Variants in ZNF250 observed in about 807,000 individuals in gnomAD.
ZNF250 encodes the protein zinc finger protein (clone 647).
ZNF250 carries 13 observed loss-of-function variants against 37.1 expected under a neutral mutation model. That is an observed-to-expected ratio of 0.35 (90% CI 0.23 to 0.56). The LOEUF is 0.56. ZNF250 is among the 20% of genes least tolerant of loss of function. The pLI is 0.87. For synonymous variants in ZNF250, 251 were observed against 265.6 expected (o/e 0.94, Z 0.54); for missense variants, 474 against 697.9 (o/e 0.68, Z 3.61).
At position 144,882,001 on chromosome 8, in the gene ZNF250, C is replaced by G. The variant is rs761245377; in HGVS notation, c.1182G>C (p.Glu394Asp). ...HTGEKPYECS[E>D]CGKTFSHRST... ...AGCGGTGGCTGAAGGTCTTCCCACA[C>G]TCACTGCACTCATAGGGCTTCTCCC... The change falls in exon 6 of 6, where the codon GAG (glutamate) becomes GAC (aspartate). Residue 394 changes from glutamate to aspartate, a missense_variant. Around this residue, in one of 2 missense-constraint regions of ZNF250, gnomAD observed 282 missense variants for 470.4 expected, o/e 0.60. Transcript: ENST00000417550. This position sits in a 1 kb window ranked among gnomAD's most constrained non-coding sequence, Gnocchi z 5.5. 1 of 1,614,010 alleles carries G rather than the reference C, an allele frequency of 6.2e-7. No individual in the cohort carries two copies. Among genetic ancestry groups the G allele is most frequent in the South Asian group, 1.1e-5 (1 of 91,068 alleles).
chr8:144,892,098 G>A (rs1042503749), intron 1 of ZNF250, among the ~76,000 whole-genome samples: 2 of 152,214 alleles, frequency 1.3e-5, no homozygotes, highest in African/African-American at 4.8e-5. Flanking sequence ...TGCCTCTGAA[G>A]AACAGGACAG....
rs534167998 is a variant in ZNF250, at chr8:144,879,599, A to C, written c.*1916T>G. ...AACAAAAAGGATCAATATCCTGGTG[A>C]CTATTTCCTCCCCACCAAACTGACA... is the stretch of plus-strand genomic sequence containing the variant. On this transcript the variant is annotated 3_prime_UTR_variant, in exon 6 of 6. Transcript: ENST00000417550. 1.3e-5 allele frequency: 2 copies of C among 152,414 alleles called. No individual in the cohort carries two copies. The highest frequency in any genetic ancestry group is 4.8e-5 in the African/African-American group (2 of 41,584). The allele number at this position is 152,414 out of a possible 1,614,324, so 9.4% of individuals were successfully genotyped here.
rs1340988893 is a variant in ZNF250, at chr8:144,877,815, T to C, written c.*3700A>G. 1 of 152,254 alleles carries C rather than the reference T, an allele frequency of 6.6e-6. No homozygotes were observed. The highest frequency in any genetic ancestry group is 2.4e-5 in the African/African-American group (1 of 41,472). 9.4% of individuals were successfully genotyped at this position (152,254 alleles called of 1,614,324 possible). A position where few individuals can be genotyped will look rare whatever the true frequency, so the allele number is the denominator to read the frequency against. ...GGATTTCCCTGAAAACCCTAGGTTA[T>C]TGGAATCCAGAATAACTTGTACTGT... On this transcript the variant is annotated 3_prime_UTR_variant, in exon 6 of 6. Coordinates refer to ENST00000417550, the MANE Select transcript of ZNF250 (RefSeq NM_001109689.4).
rs1831530838 is a variant in ZNF250, at chr8:144,882,197, G to T, written c.986C>A (p.Thr329Asn). Residue 329 changes from threonine (T) to asparagine (N), a missense_variant, in exon 6 of 6, where the codon ACT becomes AAT. By Grantham distance (65) the Thr-to-Asn change is moderately conservative. This residue lies in a region of ZNF250 where 282 missense variants were observed against 470.4 expected (regional missense o/e 0.60). Coordinates refer to ENST00000417550, the MANE Select transcript of ZNF250 (RefSeq NM_001109689.4). The surrounding 1 kb of genome is among the most constrained non-coding windows in gnomAD (Gnocchi z 5.5). Reference sequence around the variant, plus strand: ...ATTGCACCTGTGAGGCTTCTCCCCAGTGTGTACCCTCTGGTGGCTCCGCAG... The same window carrying T: ...ATTGCACCTGTGAGGCTTCTCCCCATTGTGTACCCTCTGGTGGCTCCGCAG... ...TVLRSHQRVH[T>N]GEKPHRCNEC... 1.2e-6 allele frequency: 2 copies of T among 1,614,102 alleles called. No individual in the cohort carries two copies. Among genetic ancestry groups the T allele is most frequent in the Non-Finnish European group, 1.7e-6 (2 of 1,180,004 alleles).
intron 4 of ZNF250, among the ~76,000 whole-genome samples, chr8:144,888,577 G>A (rs1331180004): frequency 2.3e-5 from 3 of 127,996 alleles, no homozygotes; most frequent in Non-Finnish European, 3.1e-5. Flanking sequence ...CAGCCTGGGC[G>A]ACAGAGCAAG....
chr8:144,877,923 G>A lies in ZNF250; in HGVS notation c.*3592C>T, dbSNP rs535597323. On this transcript the variant is annotated 3_prime_UTR_variant, in exon 6 of 6. Transcript: ENST00000417550. ...AATTTAATTATTCTCATCTTAATTGGAATATGACTTTGTCTTTAATGATTA... is the reference window on the plus strand; with the variant it reads ...AATTTAATTATTCTCATCTTAATTGAAATATGACTTTGTCTTTAATGATTA... 3 of 152,260 alleles carry A rather than the reference G, an allele frequency of 2.0e-5. No homozygotes were observed. The South Asian group carries it at 6.2e-4, about 32-fold the overall frequency. 9.4% of individuals were successfully genotyped at this position (152,260 alleles called of 1,614,324 possible).
intron 1 of ZNF250, among the ~76,000 whole-genome samples, chr8:144,896,209 A>C (rs190958833): frequency 1.3e-5 from 2 of 151,922 alleles, no homozygotes; most frequent in African/African-American, 4.8e-5. Flanking sequence ...AAAAATTTAA[A>C]AAATTAGCTG....
intron 1 of ZNF250, among the ~76,000 whole-genome samples, chr8:144,896,475 A>C (rs1007429976): frequency 2.0e-5 from 3 of 152,226 alleles, no homozygotes; most frequent in African/African-American, 4.8e-5. Flanking sequence ...GTTTCCTGGA[A>C]CGAGCCTGTA....
chr8:144,890,037 A>G lies in ZNF250; in HGVS notation c.65T>C (p.Val22Ala). ...GPQAKLTFED[V>A]AVLLSQDEWD... Reference sequence around the variant, plus strand: ...TTCATCCTGGGAGAGGAGCACAGCCACATCCTCGAAGGTCAGCTTGGCCTG... The same window carrying G: ...TTCATCCTGGGAGAGGAGCACAGCCGCATCCTCGAAGGTCAGCTTGGCCTG... The change falls in exon 3 of 6, where the codon GTG (valine) becomes GCG (alanine). Residue 22 changes from valine to alanine, a missense_variant. Physicochemically the swap from Val to Ala is moderately conservative, Grantham distance 64 (BLOSUM62 0). Around this residue, in one of 2 missense-constraint regions of ZNF250, gnomAD observed 192 missense variants for 227.5 expected, o/e 0.84. Coordinates refer to ENST00000417550, the MANE Select transcript of ZNF250 (RefSeq NM_001109689.4). This position sits in a 1 kb window ranked among gnomAD's most constrained non-coding sequence, Gnocchi z 5.1. 1 of 1,613,032 alleles carries G rather than the reference A, an allele frequency of 6.2e-7. No homozygotes were observed.
At chr8:144,885,252 TG>T (rs1831788401) in intron 5 of ZNF250, among the ~76,000 whole-genome samples, 1 of 152,206 alleles carries the variant, frequency 6.6e-6, no homozygotes, top group South Asian at 2.1e-4. Context: ...CCCAAGTAGC[TG>T]GGATTACAGG....
At position 144,882,038 on chromosome 8, in the gene ZNF250, T is replaced by C. The variant is rs1831514670; in HGVS notation, c.1145A>G (p.Asn382Ser). The C allele has an allele frequency of 1.9e-6, 3 of 1,609,798 alleles. No individual in the cohort carries two copies. The highest frequency in any genetic ancestry group is 1.7e-5 in the Admixed American group (1 of 59,702). The change falls in exon 6 of 6, where the codon AAC becomes AGC. Residue 382 changes from asparagine (N) to serine (S), a missense_variant. Coordinates refer to ENST00000417550, the MANE Select transcript of ZNF250 (RefSeq NM_001109689.4). This position sits in a 1 kb window ranked among gnomAD's most constrained non-coding sequence, Gnocchi z 5.5. ...ATAGGGCTTCTCCCCGGTGTGCACGTTGTGGTGCTGAATGAGGACTGAGCG... is the reference window on the plus strand; with the variant it reads ...ATAGGGCTTCTCCCCGGTGTGCACGCTGTGGTGCTGAATGAGGACTGAGCG... ...SDRSVLIQHH[N>S]VHTGEKPYEC...
rs756663632 is a variant in ZNF250 at position 144,890,196 on chromosome 8, G to A, written c.42+112C>T. 198 of 1,493,338 alleles carry A rather than the reference G, an allele frequency of 1.3e-4. No individual in the cohort carries two copies. The highest frequency in any genetic ancestry group is 2.0e-4 in the East Asian group (8 of 40,912). The allele number at this position is 1,493,338 out of a possible 1,614,324, so 92.5% of individuals were successfully genotyped here. ...GAGGTGGGTGATGGGAAGGGGCCGC[G>A]GAGTTCAGGGCATGTGGTGACGCTC... On this transcript the variant is annotated intron_variant, in intron 2 of 5. Transcript: ENST00000417550. This position sits in a 1 kb window ranked among gnomAD's most constrained non-coding sequence, Gnocchi z 5.1.
intron 1 of ZNF250, among the ~76,000 whole-genome samples, chr8:144,900,067 A>T (rs1186719960): frequency 6.6e-6 from 1 of 152,230 alleles, no homozygotes; most frequent in Non-Finnish European, 1.5e-5. Flanking sequence ...ACATACATGG[A>T]AAAAAATATG....
rs1368383814 is a variant in ZNF250, at chr8:144,890,790, T to A, written c.-54-387A>T. Among the ~76,000 whole-genome samples the A allele has an allele frequency of 6.6e-6, 1 of 152,128 alleles. No individual in the cohort carries two copies. The highest frequency in any genetic ancestry group is 6.5e-5 in the Admixed American group (1 of 15,276). Reference sequence around the variant, plus strand: ...CAAGTACCAGACTGTCCGCAAGTCATGTGGGGGATACAGGCATCAGGCCAA... The same window carrying A: ...CAAGTACCAGACTGTCCGCAAGTCAAGTGGGGGATACAGGCATCAGGCCAA... On this transcript the variant is annotated intron_variant, in intron 1 of 5. Coordinates refer to ENST00000417550, the MANE Select transcript of ZNF250 (RefSeq NM_001109689.4). This position sits in a 1 kb window ranked among gnomAD's most constrained non-coding sequence, Gnocchi z 5.1.
Position 144,880,748 on chromosome 8 carries a change from T to C in ZNF250, c.*767A>G. On this transcript the variant is annotated 3_prime_UTR_variant, in exon 6 of 6. Transcript: ENST00000417550. ...GTGTGGTGGCGCATATCTATAATCC[T>C]AGTTACTTGGGAGACTGAGGCACAA... 3.3e-6 allele frequency: 1 copy of C among 306,246 alleles called. No individual in the cohort carries two copies. The highest frequency in any genetic ancestry group is 6.6e-6 in the Non-Finnish European group (1 of 151,342). 19.0% of individuals were successfully genotyped at this position (306,246 alleles called of 1,614,324 possible). A position where few individuals can be genotyped will look rare whatever the true frequency, so the allele number is the denominator to read the frequency against.
intron 4 of ZNF250, among the ~76,000 whole-genome samples, chr8:144,889,088 A>C (rs1832124820): frequency 6.6e-6 from 1 of 152,164 alleles, no homozygotes; most frequent in Admixed American, 6.5e-5. Context: ...TATTTTGTAC[A>C]TGGGATACCC....
At chr8:144,902,153 CG>C (rs2129944764), upstream of ZNF250, 1 of 152,454 alleles carries the variant, frequency 6.6e-6, no homozygotes, top group South Asian at 2.1e-4. Context: ...CGACCGTCTC[CG>C]TCGCCCACTC....
In ZNF250 at chr8:144,882,419, C is replaced by T. The variant is rs745342895; in HGVS notation, c.764G>A (p.Cys255Tyr). Residue 255 changes from cysteine (C) to tyrosine (Y), a missense_variant, in exon 6 of 6, where the codon TGT becomes TAT. Cys to Tyr is a radical substitution (Grantham distance 194). Transcript: ENST00000417550. This position sits in a 1 kb window ranked among gnomAD's most constrained non-coding sequence, Gnocchi z 5.5. ...TGAGCTCACTCTAAAGGCTTTTCCA[C>T]ACTCATTACACTCATAGGGCTTCTC... Reference protein sequence around the residue: ...TGEKPYECNECGKAFRVSSDL... With the variant: ...TGEKPYECNEYGKAFRVSSDL... 1 of 1,614,054 alleles carries T rather than the reference C, an allele frequency of 6.2e-7. No homozygotes were observed.
rs1831371263 is a variant in ZNF250 at position 144,880,217 on chromosome 8, C to T, written c.*1298G>A. ...GGAGTAAAAAAATGAAAAAAAAAAC[C>T]CCTTCAAATATAGGAATAGAAATAC... On this transcript the variant is annotated 3_prime_UTR_variant, in exon 6 of 6. Coordinates refer to ENST00000417550, the MANE Select transcript of ZNF250 (RefSeq NM_001109689.4). 4.5e-6 allele frequency: 1 copy of T among 221,422 alleles called. No individual in the cohort carries two copies. The highest frequency in any genetic ancestry group is 9.5e-6 in the Non-Finnish European group (1 of 104,806). 13.7% of individuals were successfully genotyped at this position (221,422 alleles called of 1,614,324 possible).
Sources: gnomAD v4.1 joint callset for allele counts (sites outside exome capture counted in the v4.1 genomes callset) on GRCh38, gnomAD v4.1.1 for gene constraint, gnomAD v4.1.1 regional missense constraint, Gnocchi (gnomAD v3.1) non-coding constraint, MANE v1.5 for transcripts, NCBI Gene and HGNC (gene_info 2026-07-23, HGNC 2026-07-21) for gene names.